Variants in TNS4 observed in about 807,000 individuals in gnomAD.
The protein encoded by TNS4 is tensin 4.
TNS4 carries 46 observed loss-of-function variants against 70.4 expected under a neutral mutation model. That is an observed-to-expected ratio of 0.65 (90% confidence interval 0.52 to 0.84). The LOEUF (loss-of-function observed/expected upper bound fraction) is 0.84, where lower values mean the gene tolerates loss of function less well. Ranked by LOEUF, TNS4 falls within the 40% of genes least tolerant of loss-of-function variation. The probability of loss-of-function intolerance (pLI) is 0.00; values close to 1 mark genes in which losing one functional copy is unlikely to be tolerated. For missense variants in TNS4, 863 were observed against 907.0 expected (o/e 0.95, Z 0.62); for synonymous variants, 390 against 366.6 (o/e 1.06, Z -0.73).
chr17:40,491,197 ATTT>A (rs1374975070), intron 2 of TNS4, among the ~76,000 whole-genome samples: 1 of 152,158 alleles, frequency 6.6e-6, no homozygotes, highest in East Asian at 1.9e-4. Flanking sequence ...GGCAGGCATT[ATTT>A]TTTACAGAGG....
intron 2 of TNS4, among the ~76,000 whole-genome samples, chr17:40,491,406 A>AT (rs778482604): frequency 6.6e-6 from 1 of 152,208 alleles, no homozygotes; most frequent in Non-Finnish European, 1.5e-5. Flanking sequence ...CAGATGGGAA[A>AT]TCTGGAAGGC....
intron 2 of TNS4, among the ~76,000 whole-genome samples, chr17:40,489,837 A>G (rs1365143360): frequency 2.0e-5 from 3 of 148,818 alleles, no homozygotes; most frequent in Non-Finnish European, 3.0e-5. Flanking sequence ...CTGTACCTGC[A>G]GTGAAAGCAG....
At position 40,488,864 on chromosome 17, in the gene TNS4, C is replaced by G. The variant is rs375705860; in HGVS notation, c.545G>C (p.Gly182Ala). The G allele has an allele frequency of 6.6e-5, 106 of 1,613,380 alleles. No homozygotes were observed. The highest frequency in any genetic ancestry group is 8.6e-5 in the Non-Finnish European group (101 of 1,179,876). The change falls in exon 3 of 13, where the codon GGT becomes GCT. Residue 182 changes from glycine to alanine, a missense_variant. Transcript: ENST00000254051. ...VTPPFGSLRS[G>A]GLLLSRDVPR... ...GACGTCTCTGGAAAGGAGGAGGCCACCACTGCGAAGGGAGCCGAAGGGCGG... is the reference window on the plus strand; with the variant it reads ...GACGTCTCTGGAAAGGAGGAGGCCAGCACTGCGAAGGGAGCCGAAGGGCGG...
chr17:40,492,507 A>G (rs1333495846), intron 2 of TNS4, among the ~76,000 whole-genome samples: 2 of 151,858 alleles, frequency 1.3e-5, no homozygotes, highest in African/African-American at 4.8e-5. Context: ...AGTTGGGACT[A>G]CAAGTTCATG....
chr17:40,489,808 AAAAAAG>A (rs1160810324), intron 2 of TNS4, among the ~76,000 whole-genome samples: 1 of 151,866 alleles, frequency 6.6e-6, no homozygotes, highest in Non-Finnish European at 1.5e-5. Context: ...AAAAAAAAAA[AAAAAAG>A]GAAGTGGTTT....
chr17:40,492,812 GAATCACC>G (rs1277785368), intron 2 of TNS4, among the ~76,000 whole-genome samples: 2 of 151,854 alleles, frequency 1.3e-5, no homozygotes, highest in Non-Finnish European at 2.9e-5. Context: ...CAAGGTGGGC[GAATCACC>G]GAGGTGGACG....
chr17:40,487,924 C>G (rs2036013719), intron 3 of TNS4, among the ~76,000 whole-genome samples: 1 of 152,268 alleles, frequency 6.6e-6, no homozygotes, highest in Non-Finnish European at 1.5e-5. Flanking sequence ...TCTTCCTGAG[C>G]TCAGGGGCCT....
At chr17:40,501,110 T>A (rs1273706285) in intron 1 of TNS4, among the ~76,000 whole-genome samples, 1 of 152,094 alleles carries the variant, frequency 6.6e-6, no homozygotes, top group Non-Finnish European at 1.5e-5. Flanking sequence ...CTCCACCCCA[T>A]TTCTCCCCAC....
In TNS4 at chr17:40,484,997, C is replaced by A; in HGVS notation, c.1299G>T (p.Arg433Ser). ...PFTTCPEGPARDMQPTMKFVM... is the reference protein window; with the variant it reads ...PFTTCPEGPASDMQPTMKFVM... The stretch of plus-strand genomic sequence containing the variant: ...CGAACTTCATGGTGGGCTGCATGTC[C>A]CTGGCGGGACCTGGAGACAGACAGA... The change falls in exon 5 of 13, where the codon AGG (arginine) becomes AGT (serine). Residue 433 changes from arginine to serine, a missense_variant. By Grantham distance (110) the Arg-to-Ser change is moderately radical (BLOSUM62 -1). Transcript: ENST00000254051. 1 of 1,614,152 alleles carries A rather than the reference C, an allele frequency of 6.2e-7. No individual in the cohort carries two copies. The highest frequency in any genetic ancestry group is 8.5e-7 in the Non-Finnish European group (1 of 1,180,028).
At chr17:40,486,722 A>C (rs1250182430) in intron 4 of TNS4, among the ~76,000 whole-genome samples, 1 of 152,002 alleles carries the variant, frequency 6.6e-6, no homozygotes, top group Admixed American at 6.6e-5. Flanking sequence ...TCTGGCCACA[A>C]ACTTCTGATC....
Position 40,484,565 on chromosome 17 carries a change from T to C in TNS4, c.1420A>G (p.Arg474Gly), listed in dbSNP as rs2035967046. ...RKEEPGAFVIRDSSSYRGSFG... is the reference protein window; with the variant it reads ...RKEEPGAFVIGDSSSYRGSFG... Reference sequence around the variant, plus strand: ...GAGCCTCGGTATGAAGAGCTGTCCCTTATGACAAAAGCCCCTGGCTCCTCC... The same window carrying C: ...GAGCCTCGGTATGAAGAGCTGTCCCCTATGACAAAAGCCCCTGGCTCCTCC... The change falls in exon 6 of 13, where the codon AGG becomes GGG. Residue 474 changes from arginine to glycine, a missense_variant. By Grantham distance (125) the Arg-to-Gly change is moderately radical. Coordinates refer to ENST00000254051, the MANE Select transcript of TNS4 (RefSeq NM_032865.6). The C allele has an allele frequency of 1.9e-6, 3 of 1,612,764 alleles. No homozygotes were observed. Among genetic ancestry groups the C allele is most frequent in the Admixed American group, 3.3e-5 (2 of 59,982 alleles).
intron 5 of TNS4, 137 bp from the exon 6 acceptor site, chr17:40,484,746 A>G: frequency 7.0e-7 from 1 of 1,427,586 alleles, no homozygotes; most frequent in South Asian, 1.3e-5. Flanking sequence ...TCAAATCTCC[A>G]CCATTCTTGC....
intron 1 of TNS4, among the ~76,000 whole-genome samples, chr17:40,500,975 G>A (rs1175016453): frequency 1.3e-5 from 2 of 152,174 alleles, no homozygotes; most frequent in East Asian, 3.9e-4. Context: ...CATGACCTCA[G>A]GCAAGCCTCT....
Position 40,482,204 on chromosome 17 carries a change from T to A in TNS4, c.1597A>T (p.Ser533Cys), listed in dbSNP as rs958175841. 1.2e-6 allele frequency: 2 copies of A among 1,613,988 alleles called. No individual in the cohort carries two copies. The highest frequency in any genetic ancestry group is 1.7e-6 in the Non-Finnish European group (2 of 1,180,020). Residue 533 changes from serine to cysteine, a missense_variant and splice_region_variant, in exon 8 of 13, where the codon AGC becomes TGC. Physicochemically the swap from Ser to Cys is moderately radical, Grantham distance 112. Transcript: ENST00000254051. ...TGCTGGCACACGAAGGCAGAGAGGC[T>A]CCCTGAAAGGAAGCAAGCAGCCCTG... ...KGADEEPYFG[S>C]LSAFVCQHSI...
At chr17:40,498,245 T>C (rs942435331) in intron 1 of TNS4, among the ~76,000 whole-genome samples, 3 of 152,220 alleles carry the variant, frequency 2.0e-5, no homozygotes, top group African/African-American at 7.2e-5. Context: ...TCCGAAGGTT[T>C]AGATTTGACT....
At chr17:40,484,735 G>T in intron 5 of TNS4, 126 bp from the exon 6 acceptor site, 1 of 1,476,258 alleles carries the variant, frequency 6.8e-7, no homozygotes, top group Non-Finnish European at 9.2e-7. Context: ...CCTTTGTACT[G>T]TCAAATCTCC....
chr17:40,487,220 G>A lies in TNS4; in HGVS notation c.1104C>T (p.Ser368=). Reference sequence around the variant, plus strand: ...TCAGCACAATGGGTATGTCCACCATGGAGTTGGTGATGGATGGGGGGCAGC... The same window carrying A: ...TCAGCACAATGGGTATGTCCACCATAGAGTTGGTGATGGATGGGGGGCAGC... The part of the protein sequence containing the change: ...ASSCPPSITN[S]MVDIPIVLIN... The change falls in exon 4 of 13, where the codon TCC becomes TCT. Residue 368 remains serine, a synonymous_variant. Coordinates refer to ENST00000254051, the MANE Select transcript of TNS4 (RefSeq NM_032865.6). 6.2e-7 allele frequency: 1 copy of A among 1,614,232 alleles called. No homozygotes were observed. Among genetic ancestry groups the A allele is most frequent in the South Asian group, 1.1e-5 (1 of 91,082 alleles).
At chr17:40,500,391 G>A (rs983962160) in intron 1 of TNS4, among the ~76,000 whole-genome samples, 1 of 152,150 alleles carries the variant, frequency 6.6e-6, no homozygotes, top group African/African-American at 2.4e-5. Context: ...CCCCCTTCGC[G>A]GCCCCGCACA....
At position 40,488,757 on chromosome 17, in the gene TNS4, A is replaced by C; in HGVS notation, c.652T>G (p.Ser218Ala). 6.2e-7 allele frequency: 1 copy of C among 1,601,524 alleles called. No homozygotes were observed. Among genetic ancestry groups the C allele is most frequent in the Non-Finnish European group, 8.5e-7 (1 of 1,175,582 alleles). The change falls in exon 3 of 13, where the codon TCA becomes GCA. Residue 218 changes from serine to alanine, a missense_variant. Transcript: ENST00000254051. ...GRGHQRPLPPSEGLSPRPPNS... is the reference protein window; with the variant it reads ...GRGHQRPLPPAEGLSPRPPNS... Reference sequence around the variant, plus strand: ...GGGGGTCGAGGGGAGAGACCCTCTGAGGGGGGCAGAGGGCGCTGGTGCCCC... The same window carrying C: ...GGGGGTCGAGGGGAGAGACCCTCTGCGGGGGGCAGAGGGCGCTGGTGCCCC...
Sources: allele counts gnomAD v4.1 joint callset (sites outside exome capture counted in the v4.1 genomes callset), GRCh38; gene constraint gnomAD v4.1.1; transcripts MANE v1.5; gene names NCBI Gene and HGNC (gene_info 2026-07-23, HGNC 2026-07-21).